The following DAB1 variants were observed in gnomAD, a reference collection of about 807,000 sequenced individuals.
The protein encoded by DAB1 is DAB adaptor protein 1, also known as disabled homolog 1.
In DAB1, 15 loss-of-function variants were observed where a neutral mutation model predicts 64.6. That is an observed-to-expected ratio of 0.23 (90% CI 0.16 to 0.36). DAB1 has a LOEUF of 0.36. DAB1 is among the 10% of genes least tolerant of loss of function. DAB1 has a pLI of 1.00. For missense variants in DAB1, 596 were observed against 706.7 expected, an observed-to-expected ratio of 0.84 and a Z score of 1.78; for synonymous variants, 235 against 251.9, an observed-to-expected ratio of 0.93 and a Z score of 0.64.
intron 2 of DAB1, among the ~76,000 whole-genome samples, chr1:57,164,831 T>A (rs1241733115): frequency 6.6e-6 from 1 of 152,158 alleles, no homozygotes; most frequent in East Asian, 1.9e-4. Context: ...ACACCTCTGG[T>A]TCCTTATAAT....
chr1:58,135,051 C>T (rs757235500), intron 5 of DAB1, among the ~76,000 whole-genome samples: 2 of 152,164 alleles, frequency 1.3e-5, no homozygotes, highest in Non-Finnish European at 2.9e-5. Flanking sequence ...ATCTCATATC[C>T]TGTCTTCAAT....
At position 57,962,444 on chromosome 1, in the gene DAB1, T is replaced by C. The variant is rs541188623; in HGVS notation, n.388-78282A>G. ...AACTAGGTACTGACATCCTCCTTCC[T>C]ATGATCATCTCACCACTTAGAAAAA... On this transcript the variant is annotated intron_variant and non_coding_transcript_variant, in intron 5 of 20. Transcript: ENST00000485760. 7.9e-5 allele frequency among the ~76,000 whole-genome samples: 12 copies of C among 152,300 alleles called. No homozygotes were observed. The South Asian group carries it at 2.5e-3, about 32-fold the overall frequency.
At chr1:57,782,983 C>CTCCT (rs945121798) in intron 6 of DAB1, among the ~76,000 whole-genome samples, 2 of 144,876 alleles carry the variant, frequency 1.4e-5, no homozygotes, top group Admixed American at 6.9e-5. Context: ...TCCTCCCTCC[C>CTCCT]TCCCTCCCTC....
At chr1:57,957,441 G>A (rs1354340894) in intron 5 of DAB1, among the ~76,000 whole-genome samples, 1 of 152,152 alleles carries the variant, frequency 6.6e-6, no homozygotes, top group Non-Finnish European at 1.5e-5. Context: ...GAGAAATCAG[G>A]AGTTTGGTTT....
At chr1:57,332,033 G>C (rs972093508) in intron 1 of DAB1, among the ~76,000 whole-genome samples, 1 of 152,082 alleles carries the variant, frequency 6.6e-6, no homozygotes, top group African/African-American at 2.4e-5. Context: ...GTGCAATCTC[G>C]ACTCACTACA....
At chr1:57,864,514 CT>C (rs893569525) in intron 1 of DAB1, 3 of 152,016 alleles carry the variant, frequency 2.0e-5, no homozygotes, top group African/African-American at 7.3e-5. Context: ...AACTGCTTGA[CT>C]TTTGATCCTG....
upstream of DAB1, among the ~76,000 whole-genome samples, chr1:57,888,972 T>C (rs1312807855): frequency 6.6e-6 from 1 of 152,166 alleles, no homozygotes; most frequent in African/African-American, 2.4e-5. Context: ...CCATTGCACA[T>C]TGGTGTCATT....
intron 2 of DAB1, among the ~76,000 whole-genome samples, chr1:57,243,438 C>T (rs192841887): frequency 3.3e-5 from 5 of 152,206 alleles, no homozygotes; most frequent in Admixed American, 2.0e-4. Flanking sequence ...TTTATCTTCT[C>T]CTGACTAAGC....
At chr1:57,957,286 A>G (rs147498464) in intron 5 of DAB1, among the ~76,000 whole-genome samples, 29 of 152,288 alleles carry the variant, frequency 1.9e-4, no homozygotes, top group African/African-American at 6.3e-4. Context: ...ATACTATGGA[A>G]TCAGCTGAAT....
chr1:58,447,455 T>G (rs1455852359), intron 3 of DAB1, among the ~76,000 whole-genome samples: 1 of 152,218 alleles, frequency 6.6e-6, no homozygotes, highest in Admixed American at 6.5e-5. Context: ...GATATTCATG[T>G]ATTAATTTTT....
upstream of DAB1, among the ~76,000 whole-genome samples, chr1:57,887,491 G>C (rs140078276): frequency 4.6e-4 from 70 of 152,312 alleles, no homozygotes; most frequent in African/African-American, 1.1e-3. Flanking sequence ...ACGCATAGAA[G>C]AGACACTGTG....
intron 4 of DAB1, among the ~76,000 whole-genome samples, chr1:58,222,002 G>A (rs1659195170): frequency 6.6e-6 from 1 of 152,166 alleles, no homozygotes; most frequent in Non-Finnish European, 1.5e-5. Flanking sequence ...AAATGAAGAA[G>A]CCATATCTGG....
At chr1:58,055,882 G>GTTATTACTATTATTATTA (rs1553156288) in intron 5 of DAB1, among the ~76,000 whole-genome samples, 2 of 147,642 alleles carry the variant, frequency 1.4e-5, no homozygotes, top group African/African-American at 2.5e-5. Context: ...ATCACACCGA[G>GTTATTACTATTATTATTA]TTATTATTAT....
At chr1:57,239,349 G>A (rs1259155512) in intron 2 of DAB1, among the ~76,000 whole-genome samples, 2 of 152,142 alleles carry the variant, frequency 1.3e-5, no homozygotes, top group East Asian at 3.9e-4. Flanking sequence ...TCATTAATTT[G>A]TTTTACTGGT....
At chr1:57,169,568 C>T (rs1661533003) in intron 2 of DAB1, among the ~76,000 whole-genome samples, 1 of 152,180 alleles carries the variant, frequency 6.6e-6, no homozygotes, top group Non-Finnish European at 1.5e-5. Flanking sequence ...GCCTCTGAAA[C>T]TTCTCTTAGA....
chr1:57,708,035 C>A (rs368677129), intron 6 of DAB1, among the ~76,000 whole-genome samples: 16 of 152,178 alleles, frequency 1.1e-4, no homozygotes, highest in African/African-American at 3.6e-4. Context: ...CTCCCATGGC[C>A]ACTATCACTG....
intron 5 of DAB1, among the ~76,000 whole-genome samples, chr1:58,090,159 T>C (rs1217083235): frequency 6.6e-6 from 1 of 152,156 alleles, no homozygotes; most frequent in African/African-American, 2.4e-5. Context: ...CTTGTATTGA[T>C]GTGTAACAAC....
At chr1:57,476,776 G>T (rs2101223959) in intron 7 of DAB1, among the ~76,000 whole-genome samples, 1 of 152,280 alleles carries the variant, frequency 6.6e-6, no homozygotes, top group African/African-American at 2.4e-5. Context: ...CTATGTGTCA[G>T]GGGAGCACAG....
chr1:57,154,891 C>A (rs1486914827), intron 2 of DAB1, among the ~76,000 whole-genome samples: 1 of 152,114 alleles, frequency 6.6e-6, no homozygotes, highest in South Asian at 2.1e-4. Flanking sequence ...GATCAGCTTA[C>A]TAGATTTTTT....
Sources: gnomAD v4.1 joint callset for allele counts (sites outside exome capture counted in the v4.1 genomes callset) on GRCh38, gnomAD v4.1.1 for gene constraint, MANE v1.5 for transcripts, NCBI Gene and HGNC (gene_info 2026-07-23, HGNC 2026-07-21) for gene names.